Variants in SPEF2 observed in about 807,000 individuals in gnomAD.
The protein encoded by SPEF2 is sperm flagella and cilia-associated protein 2.
Under a neutral mutation model 224.6 loss-of-function variants are expected in SPEF2, and 187 were observed. That is an observed-to-expected ratio of 0.83 (90% CI 0.74 to 0.94). SPEF2 has a LOEUF of 0.94. Ranked by LOEUF, SPEF2 falls within the 40% of genes least tolerant of loss-of-function variation. The pLI is 0.00. For missense variants in SPEF2, 2,170 were observed against 2,135.6 expected (o/e 1.02, Z -0.32); for synonymous variants, 715 against 707.3 (o/e 1.01, Z -0.17).
At position 35,806,823 on chromosome 5, in the gene SPEF2, A is replaced by G; in HGVS notation, c.5127A>G (p.Glu1709=). 1 of 1,614,056 alleles carries G rather than the reference A, an allele frequency of 6.2e-7. No individual in the cohort carries two copies. Among genetic ancestry groups the G allele is most frequent in the Non-Finnish European group, 8.5e-7 (1 of 1,179,966 alleles). The change falls in exon 35 of 37, where the codon GAA becomes GAG. Residue 1709 remains glutamate, a synonymous_variant. Coordinates refer to ENST00000356031, the MANE Select transcript of SPEF2 (RefSeq NM_024867.4). The part of the protein sequence containing the change: ...DTEKREQKDE[E]IPENANNEKM... ...AGAAAAGGGAACAGAAGGATGAAGAAATCCCTGAAAATGCAAACAATGAAA... is the reference window on the plus strand; with the variant it reads ...AGAAAAGGGAACAGAAGGATGAAGAGATCCCTGAAAATGCAAACAATGAAA...
intron 4 of SPEF2, 50 bp downstream of exon 4, chr5:35,644,575 T>C (rs911435449): frequency 2.0e-5 from 28 of 1,428,792 alleles, no homozygotes; most frequent in Non-Finnish European, 2.5e-5. Flanking sequence ...AGTATACAGT[T>C]TGTGATTTAT....
intron 10 of SPEF2, among the ~76,000 whole-genome samples, chr5:35,676,712 G>A (rs1474129494): frequency 6.6e-6 from 1 of 152,022 alleles, no homozygotes; most frequent in Non-Finnish European, 1.5e-5. Context: ...CTGGGTGACA[G>A]AGTGAGACTC....
intron 3 of SPEF2, among the ~76,000 whole-genome samples, chr5:35,642,438 T>G (rs1746736951): frequency 6.6e-6 from 1 of 152,136 alleles, no homozygotes; most frequent in South Asian, 2.1e-4. Flanking sequence ...CTCTAGAGCA[T>G]AAGTAATTCT....
In SPEF2 at chr5:35,695,742, T is replaced by C. The variant is rs78576797; in HGVS notation, c.1983T>C (p.Asn661=). Residue 661 remains asparagine, a synonymous_variant, in exon 14 of 37, where the codon AAT becomes AAC. Transcript: ENST00000356031. ...ETEGETMLSA[N]ADKTPKAEEV... is the part of the protein sequence containing the mutation. Reference sequence around the variant, plus strand: ...CACTTTTCCTATTGCTAGGTGCTAATGCTGATAAAACACCAAAAGCTGAAG... The same window carrying C: ...CACTTTTCCTATTGCTAGGTGCTAACGCTGATAAAACACCAAAAGCTGAAG... The C allele has an allele frequency of 0.023, 36,554 of 1,609,400 alleles. 706 individuals are homozygous for C. Among genetic ancestry groups the C allele is most frequent in the Middle Eastern group, 0.086 (517 of 6,040 alleles).
Position 35,704,609 on chromosome 5 carries a change from T to A in SPEF2, c.2454T>A (p.Ala818=). The change falls in exon 17 of 37, where the codon GCT becomes GCA. Residue 818 remains alanine (A), a synonymous_variant. Coordinates refer to ENST00000356031, the MANE Select transcript of SPEF2 (RefSeq NM_024867.4). ...AHEDISQRVA[A]ENQDKDGDQN... ...AAGATATCAGTCAACGTGTAGCTGC[T>A]GAAAACCAAGATAAGGATGGAGACC... 1 of 1,613,054 alleles carries A rather than the reference T, an allele frequency of 6.2e-7. No individual in the cohort carries two copies. Among genetic ancestry groups the A allele is most frequent in the Non-Finnish European group, 8.5e-7 (1 of 1,179,350 alleles).
intron 24 of SPEF2, among the ~76,000 whole-genome samples, chr5:35,755,327 T>C (rs1452280058): frequency 1.3e-5 from 2 of 152,200 alleles, no homozygotes; most frequent in African/African-American, 4.8e-5. Context: ...TAAACAGTCG[T>C]GTCAAAAGCT....
intron 34 of SPEF2, among the ~76,000 whole-genome samples, chr5:35,805,965 T>A (rs2149871078): frequency 6.6e-6 from 1 of 152,244 alleles, no homozygotes; most frequent in South Asian, 2.1e-4. Flanking sequence ...AATCTTAGGT[T>A]TTCTATTTTT....
chr5:35,808,480 A>T (rs575976584), intron 36 of SPEF2, among the ~76,000 whole-genome samples: 1 of 151,996 alleles, frequency 6.6e-6, no homozygotes, highest in South Asian at 2.1e-4. Flanking sequence ...ATTCCCACCT[A>T]TGAGTGAGAA....
At chr5:35,707,770 C>T (rs967637557) in intron 18 of SPEF2, among the ~76,000 whole-genome samples, 4 of 152,126 alleles carry the variant, frequency 2.6e-5, no homozygotes, top group South Asian at 2.1e-4. Flanking sequence ...TCTCCCCTGA[C>T]TGGAACACTC....
At chr5:35,774,565 C>T (rs1211553336) in intron 28 of SPEF2, among the ~76,000 whole-genome samples, 1 of 152,112 alleles carries the variant, frequency 6.6e-6, no homozygotes, top group Admixed American at 6.6e-5. Flanking sequence ...AGCTATGACT[C>T]CACAAAACAT....
chr5:35,646,602 T>A, intron 4 of SPEF2, 65 bp from the exon 5 acceptor site: 1 of 1,466,304 alleles, frequency 6.8e-7, no homozygotes, highest in East Asian at 2.3e-5. Context: ...TTTGTACCTA[T>A]GAGTGTATTA....
At chr5:35,763,472 A>G (rs1751629013) in intron 25 of SPEF2, 50 bp from the exon 26 acceptor site, 1 of 1,492,602 alleles carries the variant, frequency 6.7e-7, no homozygotes. Flanking sequence ...CAAAAACAGA[A>G]TTTTGTTAAG....
At chr5:35,716,327 A>G (rs1182048609) in intron 20 of SPEF2, among the ~76,000 whole-genome samples, 1 of 152,178 alleles carries the variant, frequency 6.6e-6, no homozygotes, top group Admixed American at 6.5e-5. Flanking sequence ...TACTAATAGA[A>G]TAATTTTCAT....
intron 10 of SPEF2, among the ~76,000 whole-genome samples, chr5:35,673,415 C>G (rs923738200): frequency 1.3e-4 from 20 of 152,192 alleles, no homozygotes; most frequent in African/African-American, 4.1e-4. Flanking sequence ...CTAGCAATTA[C>G]TAGTTGAATG....
chr5:35,680,919 A>G (rs1254629104), intron 10 of SPEF2, among the ~76,000 whole-genome samples: 1 of 152,190 alleles, frequency 6.6e-6, no homozygotes, highest in Non-Finnish European at 1.5e-5. Context: ...ACCTCTGAAG[A>G]TATCAATCTT....
intron 9 of SPEF2, among the ~76,000 whole-genome samples, chr5:35,668,209 A>C (rs1750785092): frequency 6.6e-6 from 1 of 152,158 alleles, no homozygotes; most frequent in Admixed American, 6.6e-5. Flanking sequence ...ACCTGTATAC[A>C]AATGTTTATA....
At chr5:35,685,447 AAAGC>A (rs1753462199) in intron 10 of SPEF2, among the ~76,000 whole-genome samples, 1 of 152,136 alleles carries the variant, frequency 6.6e-6, no homozygotes, top group African/African-American at 2.4e-5. Context: ...TGATGAAAGA[AAAGC>A]AAGAACACAG....
chr5:35,724,433 AAAAT>A (rs200954519), intron 20 of SPEF2, among the ~76,000 whole-genome samples: 2,098 of 152,328 alleles, frequency 0.014, 44 homozygotes, highest in African/African-American at 0.049. Flanking sequence ...AATATAAATA[AAAAT>A]AATCTTAAAA....
chr5:35,694,317 A>G lies in SPEF2; in HGVS notation c.1929A>G (p.Pro643=). Residue 643 remains proline, a synonymous_variant, in exon 13 of 37, where the codon CCA becomes CCG. Transcript: ENST00000356031. ...CACAACATGTATTTTCAGCTGGTCC[A>G]GTTTCAGATGAAGTATTACCAGAAA... ...QDPQHVFSAG[P]VSDEVLPETE... The G allele has an allele frequency of 6.2e-7, 1 of 1,613,690 alleles. No individual in the cohort carries two copies. The highest frequency in any genetic ancestry group is 1.1e-5 in the South Asian group (1 of 91,036).
Sources: gnomAD v4.1 joint callset for allele counts (sites outside exome capture counted in the v4.1 genomes callset) on GRCh38, gnomAD v4.1.1 for gene constraint, MANE v1.5 for transcripts, NCBI Gene and HGNC (gene_info 2026-07-23, HGNC 2026-07-21) for gene names.